MYH7: variants seen among roughly 807,000 people sequenced by gnomAD.
MYH7 encodes the protein myosin heavy chain 7, also known as myosin-7.
A neutral mutation model predicts 225.4 loss-of-function variants in MYH7; 129 were observed. The ratio of observed to expected loss-of-function variants is 0.57; its 90% CI spans 0.50 to 0.66. The LOEUF (loss-of-function observed/expected upper bound fraction) is 0.66, where lower values mean the gene tolerates loss of function less well. MYH7 is among the 30% of genes least tolerant of loss of function. The pLI is 0.00. For synonymous variants in MYH7, 971 were observed against 1,007.6 expected (o/e 0.96, Z 0.69); for missense variants, 1,649 against 2,517.0 (o/e 0.66, Z 7.38).
chr14:23,429,038 G>A lies in MYH7; in HGVS notation c.1324C>T (p.Arg442Cys), dbSNP rs148808089. Residue 442 changes from arginine to cysteine, a missense_variant, in exon 14 of 40, where the codon CGC becomes TGC. Transcript: ENST00000355349. ...TTGGTCTCCAGGGTGGCATTGATGC[G>A]CGTCACCATCCAGTTGAACATCCTC... ...YERMFNWMVT[R>C]INATLETKQP... 8.7e-6 allele frequency: 14 copies of A among 1,614,164 alleles called. No individual in the cohort carries two copies. The highest frequency in any genetic ancestry group is 2.7e-5 in the African/African-American group (2 of 75,030).
chr14:23,418,182 G>A (rs1337316085), intron 30 of MYH7, 28 bp downstream of exon 30: 1 of 1,613,324 alleles, frequency 6.2e-7, no homozygotes, highest in Non-Finnish European at 8.5e-7. Context: ...AGGGGCCTCA[G>A]CCAGAAGTCA....
chr14:23,422,081 G>C, intron 25 of MYH7, 99 bp downstream of exon 25: 1 of 1,566,204 alleles, frequency 6.4e-7, no homozygotes, highest in South Asian at 1.1e-5. Flanking sequence ...ACTTGTGGAG[G>C]CTGCGTGAGG....
intron 29 of MYH7, 75 bp downstream of exon 29, chr14:23,419,102 G>T (rs1002122648): frequency 7.9e-7 from 1 of 1,270,470 alleles, no homozygotes; most frequent in East Asian, 2.3e-5. Context: ...TTATTGCTGG[G>T]AAGGGAAGTG....
rs549538540 is a variant in MYH7, at chr14:23,423,634, T to C, written c.3012A>G (p.Gln1004=). The part of the protein sequence containing the change: ...KEKKALQEAH[Q]QALDDLQAEE... ...CGGCCTGAAGGTCATCCAGAGCCTG[T>C]TGGTGGGCCTCTTGCAGAGCTTTCT... Residue 1004 remains glutamine (Q), a synonymous_variant, in exon 24 of 40, where the codon CAA becomes CAG. Coordinates refer to ENST00000355349, the MANE Select transcript of MYH7 (RefSeq NM_000257.4). 2.5e-6 allele frequency: 4 copies of C among 1,614,136 alleles called. No individual in the cohort carries two copies. The highest frequency in any genetic ancestry group is 2.2e-5 in the South Asian group (2 of 91,086).
intron 1 of MYH7, among the ~76,000 whole-genome samples, chr14:23,435,249 C>T (rs1175254549): frequency 1.3e-5 from 2 of 152,080 alleles, no homozygotes; most frequent in East Asian, 3.9e-4. Flanking sequence ...TCCCTCCCTG[C>T]AAAGGAACCT....
chr14:23,425,269 T>C lies in MYH7; in HGVS notation c.2423+13A>G, dbSNP rs770924849. ...CTCAGAGAAGCGGGAAACCTCCTCTTGAGATCTCTCACCTACGTTCCAGCA... is the reference window on the plus strand; with the variant it reads ...CTCAGAGAAGCGGGAAACCTCCTCTCGAGATCTCTCACCTACGTTCCAGCA... On this transcript the variant is annotated intron_variant, in intron 21 of 39. Transcript: ENST00000355349. The surrounding 1 kb of genome is among the most constrained non-coding windows in gnomAD (Gnocchi z 4.6). 4 of 1,612,462 alleles carry C rather than the reference T, an allele frequency of 2.5e-6. No individual in the cohort carries two copies. The highest frequency in any genetic ancestry group is 3.4e-6 in the Non-Finnish European group (4 of 1,178,478).
chr14:23,423,432 C>T, intron 24 of MYH7, 115 bp downstream of exon 24: 2 of 1,319,116 alleles, frequency 1.5e-6, no homozygotes, highest in Non-Finnish European at 2.1e-6. Context: ...TAAACATAAA[C>T]ACAAACACAC....
At chr14:23,417,349 C>T (rs757428727) in intron 31 of MYH7, 31 bp from the exon 32 acceptor site, 1 of 1,612,702 alleles carries the variant, frequency 6.2e-7, no homozygotes, top group South Asian at 1.1e-5. Flanking sequence ...CTCTTCAGCC[C>T]CCCAGCCTCA....
chr14:23,427,940 G>A, intron 15 of MYH7, 46 bp from the exon 16 acceptor site: 1 of 1,609,972 alleles, frequency 6.2e-7, no homozygotes, highest in Non-Finnish European at 8.5e-7. Flanking sequence ...TCACACAGGT[G>A]GACATGGATT....
At position 23,424,839 on chromosome 14, in the gene MYH7, C is replaced by A. The variant is rs36211715; in HGVS notation, c.2609G>T (p.Arg870Leu). ...KEALEKSEAR[R>L]KELEEKMVSL... Reference sequence around the variant, plus strand: ...CACCATCTTCTCCTCCAGCTCCTTGCGGCGAGCCTCGGACTTCTCTAGCGC... The same window carrying A: ...CACCATCTTCTCCTCCAGCTCCTTGAGGCGAGCCTCGGACTTCTCTAGCGC... The change falls in exon 22 of 40, where the codon CGC becomes CTC. Residue 870 changes from arginine (R) to leucine (L), a missense_variant. Arg to Leu is a moderately radical substitution (Grantham distance 102). Coordinates refer to ENST00000355349, the MANE Select transcript of MYH7 (RefSeq NM_000257.4). The A allele has an allele frequency of 6.2e-7, 1 of 1,614,204 alleles. No individual in the cohort carries two copies. Among genetic ancestry groups the A allele is most frequent in the Non-Finnish European group, 8.5e-7 (1 of 1,180,044 alleles).
intron 25 of MYH7, chr14:23,421,794 T>C: frequency 1.0e-6 from 1 of 985,434 alleles, no homozygotes; most frequent in Non-Finnish European, 1.2e-6. Context: ...CATTTCTTGG[T>C]GCCCTGTGGG....
chr14:23,431,351 G>C, intron 9 of MYH7, 67 bp downstream of exon 9: 1 of 1,482,676 alleles, frequency 6.7e-7, no homozygotes, highest in Non-Finnish European at 9.4e-7. Flanking sequence ...GAGAGAGAGA[G>C]GTCAAGACCA....
In MYH7 at chr14:23,423,632, T is replaced by C; in HGVS notation, c.3014A>G (p.Gln1005Arg). 6.2e-7 allele frequency: 1 copy of C among 1,614,156 alleles called. No homozygotes were observed. Among genetic ancestry groups the C allele is most frequent in the East Asian group, 2.2e-5 (1 of 44,862 alleles). The change falls in exon 24 of 40, where the codon CAG (glutamine) becomes CGG (arginine). Residue 1005 changes from glutamine to arginine, a missense_variant. Physicochemically the swap from Gln to Arg is conservative, Grantham distance 43. Around this residue, in one of 12 missense-constraint regions of MYH7, gnomAD observed 282 missense variants for 315.3 expected, o/e 0.89. Transcript: ENST00000355349. ...EKKALQEAHQ[Q>R]ALDDLQAEED... The stretch of plus-strand genomic sequence containing the variant: ...CTCGGCCTGAAGGTCATCCAGAGCC[T>C]GTTGGTGGGCCTCTTGCAGAGCTTT...
intron 25 of MYH7, 54 bp from the exon 26 acceptor site, chr14:23,421,102 G>T: frequency 7.6e-7 from 1 of 1,312,296 alleles, no homozygotes; most frequent in African/African-American, 1.4e-5. Context: ...CCTCAGGAGG[G>T]TCCACCAGTG....
At chr14:23,426,222 A>G in intron 18 of MYH7, 141 bp from the exon 19 acceptor site, 1 of 985,436 alleles carries the variant, frequency 1.0e-6, no homozygotes, top group Non-Finnish European at 1.5e-6. Flanking sequence ...TCTTCTAGCC[A>G]CATTTTTAAC....
chr14:23,422,190 G>A lies in MYH7; in HGVS notation c.3235C>T (p.Arg1079Trp), dbSNP rs192722540. 39 of 1,612,968 alleles carry A rather than the reference G, an allele frequency of 2.4e-5. No homozygotes were observed. In the East Asian group the frequency reaches 2.7e-4, roughly 11 times the overall value. ...LENDKQQLDE[R>W]LKKKDFELNA... Reference sequence around the variant, plus strand: ...GAGGGGACACAGTACTTTTTCAGCCGCTCATCCAGCTGCTGCTTGTCATTC... The same window carrying A: ...GAGGGGACACAGTACTTTTTCAGCCACTCATCCAGCTGCTGCTTGTCATTC... The change falls in exon 25 of 40, where the codon CGG becomes TGG. Residue 1079 changes from arginine (R) to tryptophan (W), a missense_variant. Coordinates refer to ENST00000355349, the MANE Select transcript of MYH7 (RefSeq NM_000257.4).
chr14:23,430,128 C>T (rs1269606910), intron 11 of MYH7, among the ~76,000 whole-genome samples: 3 of 152,156 alleles, frequency 2.0e-5, no homozygotes, highest in East Asian at 3.9e-4. Flanking sequence ...GTCAGTTGGC[C>T]GCAGCCCCAG....
In MYH7 at chr14:23,432,627, A is replaced by G. The variant is rs753122762; in HGVS notation, c.502+12T>C. On this transcript the variant is annotated intron_variant, in intron 5 of 39. Transcript: ENST00000355349. ...CAGTTCCCTTCAGGAAGACCCTTCC[A>G]GGGCCTCTCACCTGTCAGCATGTAC... The G allele has an allele frequency of 1.2e-6, 2 of 1,613,946 alleles. No homozygotes were observed. The highest frequency in any genetic ancestry group is 3.3e-5 in the Admixed American group (2 of 59,996).
intron 15 of MYH7, among the ~76,000 whole-genome samples, chr14:23,428,161 G>A (rs1050790919): frequency 6.6e-6 from 1 of 152,154 alleles, no homozygotes; most frequent in Non-Finnish European, 1.5e-5. Flanking sequence ...TGAGATGCTA[G>A]GGTTGAAAAT....
Sources: gnomAD v4.1 joint callset for allele counts (sites outside exome capture counted in the v4.1 genomes callset) on GRCh38, gnomAD v4.1.1 for gene constraint, gnomAD v4.1.1 regional missense constraint, Gnocchi (gnomAD v3.1) non-coding constraint, MANE v1.5 for transcripts, NCBI Gene and HGNC (gene_info 2026-07-23, HGNC 2026-07-21) for gene names.